Variants in SKIC2 observed in about 807,000 individuals in gnomAD.
The protein encoded by SKIC2 is superkiller complex protein 2.
chr6:31,963,950 G>T, the SKIC2 span: 1 of 1,611,710 alleles, frequency 6.2e-7, no homozygotes, highest in Admixed American at 1.7e-5. This position sits in a 1 kb window ranked among gnomAD's most constrained non-coding sequence, Gnocchi z 5.3. Flanking sequence ...GCCTCCCTCC[G>T]CACACGTGCC....
the SKIC2 span, chr6:31,964,321 C>T: frequency 9.3e-6 from 15 of 1,612,882 alleles, no homozygotes; most frequent in Non-Finnish European, 1.2e-5. This position sits in a 1 kb window ranked among gnomAD's most constrained non-coding sequence, Gnocchi z 5.0. Context: ...TGGAGATGCT[C>T]TTCAGCCGTG....
chr6:31,959,200 A>C, the SKIC2 span: 7 of 1,609,308 alleles, frequency 4.3e-6, no homozygotes, highest in African/African-American at 9.4e-5. Flanking sequence ...AGGATGATGG[A>C]GACAGAGCGA....
chr6:31,960,366 T>C, the SKIC2 span: 1,484 of 1,602,462 alleles, frequency 9.3e-4, 16 homozygotes, highest in Admixed American at 0.017. Flanking sequence ...TGAGAAACAG[T>C]TGGGGAGAAG....
chr6:31,968,378 G>A, the SKIC2 span: 24 of 1,612,886 alleles, frequency 1.5e-5, no homozygotes, highest in South Asian at 2.2e-5. This position sits in a 1 kb window ranked among gnomAD's most constrained non-coding sequence, Gnocchi z 6.1. Context: ...GAACTGCTGC[G>A]TCTGGCTCAG....
At chr6:31,964,262 G>A in the SKIC2 span, 4 of 1,613,072 alleles carry the variant, frequency 2.5e-6, no homozygotes, top group Non-Finnish European at 3.4e-6. This position sits in a 1 kb window ranked among gnomAD's most constrained non-coding sequence, Gnocchi z 5.0. Context: ...CCTGAATCGC[G>A]GCCTGGGTGT....
chr6:31,968,577 G>A, the SKIC2 span: 1 of 1,582,006 alleles, frequency 6.3e-7, no homozygotes, highest in Non-Finnish European at 8.7e-7. The surrounding 1 kb of genome is among the most constrained non-coding windows in gnomAD (Gnocchi z 6.1). Context: ...TGGGAGTAGG[G>A]GCTTTTCCTC....
chr6:31,962,941 CG>C, the SKIC2 span: 6 of 1,464,144 alleles, frequency 4.1e-6, no homozygotes, highest in Non-Finnish European at 5.7e-6. The surrounding 1 kb of genome is among the most constrained non-coding windows in gnomAD (Gnocchi z 5.0). Flanking sequence ...GGCAGAAGGG[CG>C]GCCCCTGCCC....
At chr6:31,960,483 C>T in the SKIC2 span, 38 of 1,614,010 alleles carry the variant, frequency 2.4e-5, no homozygotes, top group Non-Finnish European at 2.6e-5. Flanking sequence ...GTCTCTTCGC[C>T]GGCCTCCAGG....
the SKIC2 span, chr6:31,961,647 A>G: frequency 1.9e-5 from 30 of 1,612,718 alleles, no homozygotes; most frequent in Non-Finnish European, 2.4e-5. Context: ...GGTGATTTCT[A>G]TCGCCTCATT....
chr6:31,969,345 C>T, the SKIC2 span: 4 of 1,614,178 alleles, frequency 2.5e-6, no homozygotes, highest in Non-Finnish European at 3.4e-6. The surrounding 1 kb of genome is among the most constrained non-coding windows in gnomAD (Gnocchi z 6.1). Context: ...GTGGCCTGAA[C>T]CAGACGGTGG....
chr6:31,967,534 C>T, the SKIC2 span, among the ~76,000 whole-genome samples: 28,498 of 151,914 alleles, frequency 0.19, 3,434 homozygotes, highest in African/African-American at 0.34. This position sits in a 1 kb window ranked among gnomAD's most constrained non-coding sequence, Gnocchi z 4.9. Flanking sequence ...CCACATCATG[C>T]TCACTCCTTC....
the SKIC2 span, chr6:31,963,642 A>G: frequency 2.6e-6 from 4 of 1,547,592 alleles, no homozygotes; most frequent in Non-Finnish European, 3.5e-6. The surrounding 1 kb of genome is among the most constrained non-coding windows in gnomAD (Gnocchi z 5.3). Context: ...CCCAGGTACT[A>G]TGCAGCTGTG....
the SKIC2 span, chr6:31,961,030 C>T: frequency 1.0e-5 from 16 of 1,600,306 alleles, no homozygotes; most frequent in Admixed American, 1.3e-4. Context: ...TTTCATGTCC[C>T]TATCCTACAG....
the SKIC2 span, chr6:31,969,188 C>A: frequency 5.8e-6 from 9 of 1,557,568 alleles, no homozygotes; most frequent in African/African-American, 4.1e-5. The surrounding 1 kb of genome is among the most constrained non-coding windows in gnomAD (Gnocchi z 6.1). Context: ...CCTGTAAGTG[C>A]CCCAAGGATG....
the SKIC2 span, chr6:31,963,995 G>A: frequency 6.2e-7 from 1 of 1,612,508 alleles, no homozygotes. The surrounding 1 kb of genome is among the most constrained non-coding windows in gnomAD (Gnocchi z 5.3). Context: ...TTCTCCCGGG[G>A]CCGCTGTGAT....
the SKIC2 span, chr6:31,968,038 G>A: frequency 1.9e-6 from 3 of 1,612,966 alleles, no homozygotes; most frequent in South Asian, 3.3e-5. This position sits in a 1 kb window ranked among gnomAD's most constrained non-coding sequence, Gnocchi z 6.1. Flanking sequence ...TGAATGGGGA[G>A]AAGATCTTGG....
At chr6:31,960,656 C>G in the SKIC2 span, 1 of 1,591,450 alleles carries the variant, frequency 6.3e-7, no homozygotes, top group South Asian at 1.1e-5. Context: ...TCTGTCCTGT[C>G]TCTTCCCAGG....
At chr6:31,967,305 GTC>G in the SKIC2 span, 3 of 1,613,052 alleles carry the variant, frequency 1.9e-6, no homozygotes, top group Non-Finnish European at 2.5e-6. The surrounding 1 kb of genome is among the most constrained non-coding windows in gnomAD (Gnocchi z 4.9). Flanking sequence ...ACGGGCTGAA[GTC>G]TCTCTCAGCA....
chr6:31,962,881 G>GC, the SKIC2 span: 2 of 1,299,880 alleles, frequency 1.5e-6, no homozygotes, highest in Non-Finnish European at 2.2e-6. The surrounding 1 kb of genome is among the most constrained non-coding windows in gnomAD (Gnocchi z 5.0). Context: ...CACACTCAGG[G>GC]CCCCTTACTG....
Sources: gnomAD v4.1 joint callset for allele counts (sites outside exome capture counted in the v4.1 genomes callset) on GRCh38, gnomAD v4.1.1 for gene constraint, Gnocchi (gnomAD v3.1) non-coding constraint, MANE v1.5 for transcripts, NCBI Gene and HGNC (gene_info 2026-07-23, HGNC 2026-07-21) for gene names.